NCOA2: variants seen among roughly 807,000 people sequenced by gnomAD.
The protein encoded by NCOA2 is nuclear receptor coactivator 2.
In NCOA2, 21 loss-of-function variants were observed where a neutral mutation model predicts 145.1. The observed-to-expected ratio is 0.14, with a 90% CI of 0.10 to 0.21. The LOEUF is 0.21. Ranked by LOEUF, NCOA2 falls within the 10% of genes least tolerant of loss-of-function variation. NCOA2 has a pLI of 1.00. For synonymous variants in NCOA2, 619 were observed against 637.5 expected (o/e 0.97, Z 0.44); for missense variants, 1,472 against 1,837.6 (o/e 0.80, Z 3.64).
the NCOA2 span, among the ~76,000 whole-genome samples, chr8:70,443,538 G>A: frequency 2.6e-5 from 4 of 152,162 alleles, no homozygotes; most frequent in African/African-American, 9.6e-5. Context: ...CTGCAGGGTA[G>A]CTCTGTTCTA....
chr8:70,285,694 T>C (rs941416360), intron 2 of NCOA2, among the ~76,000 whole-genome samples: 1 of 152,234 alleles, frequency 6.6e-6, no homozygotes, highest in Non-Finnish European at 1.5e-5. Flanking sequence ...GGTAGGACTA[T>C]ATATATTGCT....
chr8:70,280,505 G>A (rs1162652678), intron 2 of NCOA2, among the ~76,000 whole-genome samples: 1 of 152,176 alleles, frequency 6.6e-6, no homozygotes, highest in East Asian at 1.9e-4. Flanking sequence ...GTAAGATATA[G>A]AAATACTGAC....
chr8:70,431,435 G>A, the NCOA2 span, among the ~76,000 whole-genome samples: 4 of 152,198 alleles, frequency 2.6e-5, no homozygotes, highest in African/African-American at 9.7e-5. Flanking sequence ...ACCCAACTCT[G>A]TTGGAAGCAT....
At chr8:70,169,423 C>T (rs1813982321) in intron 6 of NCOA2, among the ~76,000 whole-genome samples, 1 of 152,250 alleles carries the variant, frequency 6.6e-6, no homozygotes, top group Non-Finnish European at 1.5e-5. Flanking sequence ...ACCTCTCCAT[C>T]TGCCACTTGT....
intron 14 of NCOA2, 21 bp downstream of exon 14, chr8:70,141,163 A>G: frequency 6.2e-7 from 1 of 1,608,044 alleles, no homozygotes; most frequent in Non-Finnish European, 8.5e-7. Flanking sequence ...TTAAAAGCAA[A>G]CAGCACTAGA....
At chr8:70,267,142 T>C (rs1824667472) in intron 2 of NCOA2, among the ~76,000 whole-genome samples, 1 of 152,202 alleles carries the variant, frequency 6.6e-6, no homozygotes, top group Non-Finnish European at 1.5e-5. Flanking sequence ...TGGGCTCCAC[T>C]GTGCACCACC....
chr8:70,156,819 G>T lies in NCOA2; in HGVS notation c.1546C>A (p.Pro516Thr). The change falls in exon 11 of 23, where the codon CCT (proline) becomes ACT (threonine). Residue 516 changes from proline to threonine, a missense_variant. Physicochemically the swap from Pro to Thr is conservative, Grantham distance 38. Transcript: ENST00000452400. ...QFSPAGSLHSPVGVCSSTGNS... is the reference protein window; with the variant it reads ...QFSPAGSLHSTVGVCSSTGNS... ...CCTGTGCTGCTGCAAACTCCCACAG[G>T]GGAATGCAAGCTTCCTGCAGGGGAA... The T allele has an allele frequency of 6.2e-7, 1 of 1,613,994 alleles. No homozygotes were observed. Among genetic ancestry groups the T allele is most frequent in the Non-Finnish European group, 8.5e-7 (1 of 1,179,892 alleles).
chr8:70,166,899 A>G, intron 6 of NCOA2, 145 bp from the exon 7 acceptor site: 1 of 757,288 alleles, frequency 1.3e-6, no homozygotes, highest in Non-Finnish European at 2.0e-6. Flanking sequence ...TTCATAATCT[A>G]GAGGAGGAAA....
rs200606374 is a variant in NCOA2, at chr8:70,156,411, T to G, written c.1954A>C (p.Met652Leu). The change falls in exon 11 of 23, where the codon ATG becomes CTG. Residue 652 changes from methionine (M) to leucine (L), a missense_variant. Physicochemically the swap from Met to Leu is conservative, Grantham distance 15. This residue lies in a region of NCOA2 where 953 missense variants were observed against 1,062.1 expected (regional missense o/e 0.90). Coordinates refer to ENST00000452400, the MANE Select transcript of NCOA2 (RefSeq NM_006540.4). ...LQLLTTKSDQ[M>L]EPSPLASSLS... ...GAGCTGGCTAAGGGCGAGGGCTCCA[T>G]CTGATCAGATTTGGTGGTCAGCAGC... is the stretch of plus-strand genomic sequence containing the variant. The G allele has an allele frequency of 1.7e-5, 28 of 1,613,830 alleles. No individual in the cohort carries two copies. The East Asian group carries it at 5.8e-4, about 33-fold the overall frequency.
intron 1 of NCOA2, among the ~76,000 whole-genome samples, chr8:70,378,771 TGAA>T (rs1246507114): frequency 2.3e-5 from 3 of 128,304 alleles, no homozygotes; most frequent in Non-Finnish European, 4.9e-5. Context: ...AAACATAAAA[TGAA>T]GAAATGTTAT....
At chr8:70,155,581 T>G (rs749073195) in intron 11 of NCOA2, among the ~76,000 whole-genome samples, 1 of 152,242 alleles carries the variant, frequency 6.6e-6, no homozygotes, top group Non-Finnish European at 1.5e-5. Context: ...TGACACATGA[T>G]AATTCCATGA....
intron 2 of NCOA2, among the ~76,000 whole-genome samples, chr8:70,273,059 G>C (rs1274581513): frequency 2.0e-5 from 3 of 152,026 alleles, no homozygotes; most frequent in Admixed American, 6.6e-5. Context: ...TCTGTGAATT[G>C]ATTTAATGAT....
intron 2 of NCOA2, among the ~76,000 whole-genome samples, chr8:70,263,706 G>A (rs1824332781): frequency 6.6e-6 from 1 of 151,478 alleles, no homozygotes; most frequent in Non-Finnish European, 1.5e-5. Context: ...TCCAGCCTGG[G>A]CGGCAGAGTG....
chr8:70,341,738 G>T (rs1004807838), intron 1 of NCOA2, among the ~76,000 whole-genome samples: 1 of 152,230 alleles, frequency 6.6e-6, no homozygotes, highest in Admixed American at 6.5e-5. Context: ...AAATTTTAGT[G>T]TAACAAAATA....
At chr8:70,284,321 A>G (rs1302356198) in intron 2 of NCOA2, among the ~76,000 whole-genome samples, 2 of 152,174 alleles carry the variant, frequency 1.3e-5, no homozygotes, top group African/African-American at 4.8e-5. Flanking sequence ...TCTCCCTCTA[A>G]AAGGAGGCCT....
chr8:70,291,837 C>T (rs963379510), intron 2 of NCOA2, among the ~76,000 whole-genome samples: 5 of 152,216 alleles, frequency 3.3e-5, no homozygotes, highest in South Asian at 2.1e-4. Flanking sequence ...CAGTGGCTCA[C>T]GCCTGTAATC....
rs532074972 is a variant in NCOA2, at chr8:70,127,702, T to C, written c.3682-655A>G. On this transcript the variant is annotated intron_variant, in intron 18 of 22. Coordinates refer to ENST00000452400, the MANE Select transcript of NCOA2 (RefSeq NM_006540.4). ...GAAGTTGCCTACTCAGTAAAATTTA[T>C]TTGTAACCCCCAAATCAATACACAT... is the stretch of plus-strand genomic sequence containing the variant. Among the ~76,000 whole-genome samples the C allele has an allele frequency of 2.0e-5, 3 of 152,342 alleles. No homozygotes were observed. In the South Asian group the frequency reaches 6.2e-4, roughly 32 times the overall value.
chr8:70,338,676 C>T (rs1807850856), intron 1 of NCOA2, among the ~76,000 whole-genome samples: 1 of 152,058 alleles, frequency 6.6e-6, no homozygotes, highest in Non-Finnish European at 1.5e-5. Context: ...AAGAGTGATG[C>T]AAAAACCCTC....
chr8:70,344,872 CA>C (rs771403937), intron 1 of NCOA2, among the ~76,000 whole-genome samples: 3 of 152,164 alleles, frequency 2.0e-5, no homozygotes, highest in Non-Finnish European at 4.4e-5. Flanking sequence ...CTCAAGAAGA[CA>C]ATTTATTTAA....
Sources: gnomAD v4.1 joint callset for allele counts (sites outside exome capture counted in the v4.1 genomes callset) on GRCh38, gnomAD v4.1.1 for gene constraint, gnomAD v4.1.1 regional missense constraint, MANE v1.5 for transcripts, NCBI Gene and HGNC (gene_info 2026-07-23, HGNC 2026-07-21) for gene names.